Variants in CLEC4F observed in about 807,000 individuals in gnomAD.
CLEC4F encodes C-type (calcium dependent, carbohydrate-recognition domain) lectin, superfamily member 13.
Under a neutral mutation model 53.4 loss-of-function variants are expected in CLEC4F, and 45 were observed. That is an observed-to-expected ratio of 0.84 (90% CI 0.66 to 1.08). The LOEUF (loss-of-function observed/expected upper bound fraction) is 1.08, where lower values mean the gene tolerates loss of function less well. CLEC4F is among the 50% of genes least tolerant of loss of function. The pLI is 0.00. For synonymous variants in CLEC4F, 245 were observed against 257.5 expected (o/e 0.95, Z 0.46); for missense variants, 753 against 698.2 (o/e 1.08, Z -0.88).
upstream of CLEC4F, among the ~76,000 whole-genome samples, chr2:70,823,462 G>A (rs1477558618): frequency 6.6e-6 from 1 of 152,176 alleles, no homozygotes; most frequent in Admixed American, 6.5e-5. Flanking sequence ...GGCCCAGGCT[G>A]GACCTACTCA....
At chr2:70,814,091 G>A (rs984464806) in intron 4 of CLEC4F, among the ~76,000 whole-genome samples, 2 of 152,174 alleles carry the variant, frequency 1.3e-5, no homozygotes, top group East Asian at 1.9e-4. Context: ...AGGAACAGCC[G>A]GGCACAGCCT....
intron 5 of CLEC4F, among the ~76,000 whole-genome samples, 163 bp from the exon 6 acceptor site, chr2:70,810,020 G>A (rs1217505931): frequency 3.3e-5 from 5 of 152,144 alleles, no homozygotes; most frequent in African/African-American, 1.2e-4. Flanking sequence ...AAAGTTAAGA[G>A]GTAAGACAAA....
intron 3 of CLEC4F, among the ~76,000 whole-genome samples, chr2:70,817,454 A>C (rs1676988138): frequency 6.6e-6 from 1 of 152,134 alleles, no homozygotes; most frequent in Non-Finnish European, 1.5e-5. Context: ...AAAGTAACTG[A>C]TTTTATCATT....
In CLEC4F at chr2:70,813,119, C is replaced by T. The variant is rs572754205; in HGVS notation, c.1388-521G>A. 3.3e-5 allele frequency among the ~76,000 whole-genome samples: 5 copies of T among 152,326 alleles called. No individual in the cohort carries two copies. The South Asian group carries it at 6.2e-4, about 19-fold the overall frequency. Reference sequence around the variant, plus strand: ...CCCCAATTCTGTCAGCTCTTTCTTCCCTCCCTGCCACAACAGCCTGCTCTT... The same window carrying T: ...CCCCAATTCTGTCAGCTCTTTCTTCTCTCCCTGCCACAACAGCCTGCTCTT... On this transcript the variant is annotated intron_variant, in intron 4 of 6. Coordinates refer to ENST00000272367, the MANE Select transcript of CLEC4F (RefSeq NM_173535.3).
At chr2:70,809,517 GC>G in intron 6 of CLEC4F, 135 bp from the exon 7 acceptor site, 1 of 992,498 alleles carries the variant, frequency 1.0e-6, no homozygotes, top group Non-Finnish European at 1.5e-6. Flanking sequence ...GTGTCCAAAC[GC>G]ACACACATCA....
intron 4 of CLEC4F, among the ~76,000 whole-genome samples, chr2:70,812,929 C>A (rs573559685): frequency 6.6e-6 from 1 of 152,348 alleles, no homozygotes; most frequent in South Asian, 2.1e-4. Context: ...CTCCTGCCAT[C>A]TTCCCTGGGG....
intron 4 of CLEC4F, among the ~76,000 whole-genome samples, chr2:70,814,838 C>CAAAAAAAAAAA (rs60330725): frequency 4.0e-4 from 56 of 140,940 alleles, no homozygotes; most frequent in African/African-American, 1.4e-3. Flanking sequence ...ACACCCTCAC[C>CAAAAAAAAAAA]AAAAAAAAAA....
At chr2:70,810,421 C>A (rs1553393904) in intron 5 of CLEC4F, among the ~76,000 whole-genome samples, 2 of 151,836 alleles carry the variant, frequency 1.3e-5, no homozygotes, top group African/African-American at 2.4e-5. Context: ...GAGTTCGAGA[C>A]CAGCTTGGCC....
At chr2:70,813,631 CTTTCTTTCTTTCGCTCTCTCTCTT>C (rs1676730863) in intron 4 of CLEC4F, among the ~76,000 whole-genome samples, 1 of 120,176 alleles carries the variant, frequency 8.3e-6, no homozygotes, top group African/African-American at 3.2e-5. Context: ...TTCTTTCTTT[CTTTCTTTCTTTCGCTCTCTCTCTT>C]TTTCTTCCTT....
In CLEC4F at chr2:70,808,810, G is replaced by C; in HGVS notation, c.*461C>G. Reference sequence around the variant, plus strand: ...AGGGCTGAATCAAAGAACAAGGCAGGAAGTCCACAAGGCCAACGGAAGGTC... The same window carrying C: ...AGGGCTGAATCAAAGAACAAGGCAGCAAGTCCACAAGGCCAACGGAAGGTC... On this transcript the variant is annotated 3_prime_UTR_variant, in exon 7 of 7. Transcript: ENST00000272367. 1 of 485,868 alleles carries C rather than the reference G, an allele frequency of 2.1e-6. No individual in the cohort carries two copies. The highest frequency in any genetic ancestry group is 3.8e-6 in the Non-Finnish European group (1 of 266,296). 30.1% of individuals were successfully genotyped at this position (485,868 alleles called of 1,614,324 possible). A position where few individuals can be genotyped will look rare whatever the true frequency, so the allele number is the denominator to read the frequency against.
At chr2:70,815,427 C>T (rs1676839114) in intron 4 of CLEC4F, among the ~76,000 whole-genome samples, 2 of 152,108 alleles carry the variant, frequency 1.3e-5, no homozygotes, top group South Asian at 4.1e-4. Context: ...GTCTGTATGT[C>T]TTTCATGCAA....
At chr2:70,811,565 C>T in intron 5 of CLEC4F, 1 of 334,670 alleles carries the variant, frequency 3.0e-6, no homozygotes, top group South Asian at 2.7e-5. Flanking sequence ...CTCAGGCGAG[C>T]CAACAGGGGG....
chr2:70,813,614 T>TCTTTCTTTCTTTCTTTCTTTCTTTCTTC (rs1676722092), intron 4 of CLEC4F, among the ~76,000 whole-genome samples: 60 of 141,876 alleles, frequency 4.2e-4, no homozygotes, highest in African/African-American at 1.6e-3. Flanking sequence ...TTTCTTTCTT[T>TCTTTCTTTCTTTCTTTCTTTCTTTCTTC]CTTTCTTTCT....
At chr2:70,821,558 A>T (rs1315616087), upstream of CLEC4F, among the ~76,000 whole-genome samples, 5 of 152,184 alleles carry the variant, frequency 3.3e-5, no homozygotes, top group Non-Finnish European at 7.3e-5. Context: ...CTCCACAGAG[A>T]CAGAGTCTCC....
In CLEC4F at chr2:70,812,453, C is replaced by T; in HGVS notation, c.1533G>A (p.Glu511=). The T allele has an allele frequency of 1.2e-6, 2 of 1,614,094 alleles. No homozygotes were observed. Among genetic ancestry groups the T allele is most frequent in the Non-Finnish European group, 1.7e-6 (2 of 1,180,024 alleles). Residue 511 remains glutamate (E), a synonymous_variant, in exon 5 of 7, where the codon GAG becomes GAA. Coordinates refer to ENST00000272367, the MANE Select transcript of CLEC4F (RefSeq NM_173535.3). The stretch of plus-strand genomic sequence containing the variant: ...CCATGCTCGCAGCTCTGACCTGCTC[C>T]TCCTTGGAGGCCACAGATGCCAGAT... The part of the protein sequence containing the change: ...GAHLASVASK[E]EQAFLVEFTS...
intron 3 of CLEC4F, among the ~76,000 whole-genome samples, chr2:70,818,477 T>C (rs28412641): frequency 0.36 from 54,223 of 151,892 alleles, 10,120 homozygotes; most frequent in East Asian, 0.53. Flanking sequence ...TTTGGGAGGC[T>C]GAGGTGGGCA....
chr2:70,818,807 G>A (rs781913577), intron 3 of CLEC4F, among the ~76,000 whole-genome samples: 1 of 150,968 alleles, frequency 6.6e-6, no homozygotes, highest in Non-Finnish European at 1.5e-5. Context: ...TCTCACATAC[G>A]AGATCATGAG....
In CLEC4F at chr2:70,809,725, G is replaced by T. The variant is rs199985963; in HGVS notation, c.1658+14C>A. 2,384 of 1,600,832 alleles carry T rather than the reference G, an allele frequency of 1.5e-3. 5 individuals carry two copies. Among genetic ancestry groups the T allele is most frequent in the Non-Finnish European group, 1.8e-3 (2,110 of 1,168,180 alleles). ...ACAGTGCCTGGGACAGCGCCAGATGGTGGCTAGACTCACGCTTTGTTCTGG... is the reference window on the plus strand; with the variant it reads ...ACAGTGCCTGGGACAGCGCCAGATGTTGGCTAGACTCACGCTTTGTTCTGG... On this transcript the variant is annotated intron_variant, in intron 6 of 6. Coordinates refer to ENST00000272367, the MANE Select transcript of CLEC4F (RefSeq NM_173535.3).
At chr2:70,809,428 T>A (rs1553393610) in intron 6 of CLEC4F, 46 bp from the exon 7 acceptor site, 1 of 1,545,900 alleles carries the variant, frequency 6.5e-7, no homozygotes, top group African/African-American at 1.4e-5. Context: ...ACTCACTGGC[T>A]GCATGCCAGC....
Sources: allele counts gnomAD v4.1 joint callset (sites outside exome capture counted in the v4.1 genomes callset), GRCh38; gene constraint gnomAD v4.1.1; transcripts MANE v1.5; gene names NCBI Gene and HGNC (gene_info 2026-07-23, HGNC 2026-07-21).